Variants in MBNL1 observed in about 807,000 individuals in gnomAD.
MBNL1 encodes the protein muscleblind-like protein 1.
In MBNL1, 8 loss-of-function variants were observed where a neutral mutation model predicts 42.2. The ratio of observed to expected loss-of-function variants is 0.19; its 90% CI spans 0.11 to 0.34. The LOEUF (loss-of-function observed/expected upper bound fraction) is 0.34, where lower values mean the gene tolerates loss of function less well. Ranked by LOEUF, MBNL1 falls within the 10% of genes least tolerant of loss-of-function variation. The probability of loss-of-function intolerance (pLI) is 1.00; values close to 1 mark genes in which losing one functional copy is unlikely to be tolerated. For synonymous variants in MBNL1, 169 were observed against 173.9 expected, an observed-to-expected ratio of 0.97 and a Z score of 0.22; for missense variants, 309 against 495.3, an observed-to-expected ratio of 0.62 and a Z score of 3.57.
In MBNL1 at chr3:152,340,883, G is replaced by C. The variant is rs567061740; in HGVS notation, c.174+40516G>C. The C allele has an allele frequency of 5.6e-6, 9 of 1,612,470 alleles. No individual in the cohort carries two copies. In the South Asian group the frequency reaches 9.9e-5, roughly 18 times the overall value. On this transcript the variant is annotated intron_variant, in intron 2 of 9. Coordinates refer to ENST00000324210, the MANE Select transcript of MBNL1 (RefSeq NM_021038.5). ...AAGCCAAGCCAGTATAAAGGCACCT[G>C]TGGGCCAGGGTCCATCTGCATTGTT...
intron 3 of MBNL1, among the ~76,000 whole-genome samples, chr3:152,427,169 G>C (rs888030884): frequency 6.6e-6 from 1 of 152,170 alleles, no homozygotes; most frequent in East Asian, 1.9e-4. Context: ...CAAACAGCCT[G>C]AGAGAATGGG....
intron 8 of MBNL1, chr3:152,458,150 C>T: frequency 6.2e-7 from 1 of 1,613,912 alleles, no homozygotes; most frequent in Non-Finnish European, 8.5e-7. Flanking sequence ...GATGCTTCTA[C>T]ACTGTTGGGT....
At chr3:152,354,446 C>G (rs2095355077) in intron 2 of MBNL1, among the ~76,000 whole-genome samples, 3 of 152,062 alleles carry the variant, frequency 2.0e-5, no homozygotes, top group African/African-American at 7.3e-5. Flanking sequence ...CAAAGCAAAA[C>G]CTGCCTCTTA....
At chr3:152,357,147 G>C (rs1440163667) in intron 2 of MBNL1, among the ~76,000 whole-genome samples, 1 of 152,134 alleles carries the variant, frequency 6.6e-6, no homozygotes, top group Non-Finnish European at 1.5e-5. Context: ...TAAGAATAGA[G>C]AGCCCAGTGT....
At chr3:152,249,125 A>G (rs1399332538) in intron 2 of MBNL1, among the ~76,000 whole-genome samples, 5 of 139,652 alleles carry the variant, frequency 3.6e-5, no homozygotes, top group African/African-American at 1.3e-4. Context: ...TCCTTTGGGT[A>G]TATACCCAGT....
intron 2 of MBNL1, among the ~76,000 whole-genome samples, chr3:152,368,783 A>G (rs1389394385): frequency 6.6e-6 from 1 of 152,148 alleles, no homozygotes; most frequent in African/African-American, 2.4e-5. Context: ...GCAAGTGTAA[A>G]TGGGAGTTCA....
chr3:152,454,754 TA>T (rs1730279783), intron 6 of MBNL1, among the ~76,000 whole-genome samples: 1 of 152,166 alleles, frequency 6.6e-6, no homozygotes, highest in Non-Finnish European at 1.5e-5. Flanking sequence ...GAACATTTGC[TA>T]CTCCCAGAAG....
intron 2 of MBNL1, among the ~76,000 whole-genome samples, chr3:152,393,313 G>A (rs556219582): frequency 6.6e-6 from 1 of 152,242 alleles, no homozygotes; most frequent in Non-Finnish European, 1.5e-5. Flanking sequence ...AAATTAGCTT[G>A]CAGCTACAGT....
intron 2 of MBNL1, among the ~76,000 whole-genome samples, chr3:152,351,681 C>A (rs531133472): frequency 6.6e-6 from 1 of 152,146 alleles, no homozygotes; most frequent in Admixed American, 6.6e-5. Flanking sequence ...GAATTCTGGC[C>A]TCAGGAATCA....
intron 3 of MBNL1, among the ~76,000 whole-genome samples, chr3:152,416,409 G>A (rs1360313610): frequency 6.6e-6 from 1 of 152,124 alleles, no homozygotes; most frequent in East Asian, 1.9e-4. Flanking sequence ...GGCTGTATTA[G>A]GATAGCATGA....
At chr3:152,254,199 G>C (rs892875795) in intron 2 of MBNL1, among the ~76,000 whole-genome samples, 4 of 152,120 alleles carry the variant, frequency 2.6e-5, no homozygotes, top group African/African-American at 9.7e-5. Context: ...TTTTGTCCGT[G>C]TTGAGTCAAA....
In MBNL1 at chr3:152,377,440, G is replaced by A. The variant is rs913287390; in HGVS notation, c.175-37501G>A. On this transcript the variant is annotated intron_variant, in intron 2 of 9. Transcript: ENST00000324210. ...CACCTCCACTCGTCAGCCATAGACC[G>A]TTAGTAAATTAACCTGTTAATTTAT... Among the ~76,000 whole-genome samples the A allele has an allele frequency of 5.9e-5, 9 of 152,260 alleles. No individual in the cohort carries two copies. In the South Asian group the frequency reaches 6.2e-4, roughly 11 times the overall value.
intron 1 of MBNL1, among the ~76,000 whole-genome samples, chr3:152,279,236 G>A (rs1388612122): frequency 1.3e-5 from 2 of 152,044 alleles, no homozygotes; most frequent in Non-Finnish European, 2.9e-5. Context: ...GAATTGGGCC[G>A]GTGAGTCAGG....
At chr3:152,293,768 G>A (rs1477651376) in intron 1 of MBNL1, among the ~76,000 whole-genome samples, 1 of 152,128 alleles carries the variant, frequency 6.6e-6, no homozygotes, top group Non-Finnish European at 1.5e-5. Context: ...TAACTGGACT[G>A]ATTGCCTATA....
intron 1 of MBNL1, among the ~76,000 whole-genome samples, chr3:152,298,701 G>A (rs2059617390): frequency 6.6e-6 from 1 of 152,190 alleles, no homozygotes; most frequent in South Asian, 2.1e-4. Flanking sequence ...TACAGTATGA[G>A]TGCTGTTTTC....
chr3:152,364,058 AT>A (rs536270546), intron 2 of MBNL1, among the ~76,000 whole-genome samples: 6 of 151,920 alleles, frequency 3.9e-5, no homozygotes, highest in African/African-American at 1.5e-4. Context: ...GGTCAGGTGC[AT>A]TTTTTTCCCT....
At chr3:152,331,688 T>C (rs753423903) in intron 2 of MBNL1, among the ~76,000 whole-genome samples, 17 of 152,134 alleles carry the variant, frequency 1.1e-4, no homozygotes, top group Non-Finnish European at 2.5e-4. Context: ...TTACTTCAAA[T>C]GTTATTGATT....
chr3:152,447,707 A>G lies in MBNL1; in HGVS notation c.895A>G (p.Ile299Val). 1.9e-6 allele frequency: 3 copies of G among 1,613,926 alleles called. No homozygotes were observed. The highest frequency in any genetic ancestry group is 2.2e-5 in the South Asian group (2 of 91,080). Residue 299 changes from isoleucine (I) to valine (V), a missense_variant, in exon 6 of 10, where the codon ATT (isoleucine) becomes GTT (valine). Transcript: ENST00000324210. ...TGCCACCGCAGTCTTTAACACTGGT[A>G]TTTTCCAATACCAACAGGCTCTAGC... Reference protein sequence around the residue: ...NGATAVFNTGIFQYQQALANM... With the variant: ...NGATAVFNTGVFQYQQALANM...
intron 2 of MBNL1, among the ~76,000 whole-genome samples, chr3:152,329,598 A>C (rs1053890789): frequency 6.6e-6 from 1 of 150,792 alleles, no homozygotes; most frequent in African/African-American, 2.4e-5. Context: ...GCAGTGAGCC[A>C]TGATCAGCCA....
Sources: gnomAD v4.1 joint callset for allele counts (sites outside exome capture counted in the v4.1 genomes callset) on GRCh38, gnomAD v4.1.1 for gene constraint, MANE v1.5 for transcripts, NCBI Gene and HGNC (gene_info 2026-07-23, HGNC 2026-07-21) for gene names.